Variants in GRIA3 observed in about 807,000 individuals in gnomAD.
The protein encoded by GRIA3 is glutamate ionotropic receptor AMPA type subunit 3, also known as glutamate receptor 3.
A neutral mutation model predicts 63.0 loss-of-function variants in GRIA3; 3 were observed. The ratio of observed to expected loss-of-function variants is 0.05; its 90% CI spans 0.02 to 0.12. The LOEUF (loss-of-function observed/expected upper bound fraction) is 0.12, where lower values mean the gene tolerates loss of function less well. Ranked by LOEUF, GRIA3 falls within the 10% of genes least tolerant of loss-of-function variation. GRIA3 has a pLI of 1.00. For synonymous variants in GRIA3, 274 were observed against 257.9 expected (o/e 1.06, Z -0.60); for missense variants, 347 against 700.9 (o/e 0.50, Z 5.70).
At chrX:123,398,884 C>T (rs2045428655) in intron 7 of GRIA3, 81 bp downstream of exon 7, 1 of 801,510 alleles carries the variant, frequency 1.2e-6, no homozygotes, top group Non-Finnish European at 1.9e-6. Context: ...TGAGAGAAGA[C>T]ATACTAAAAG....
intron 5 of GRIA3, among the ~76,000 whole-genome samples, chrX:123,360,863 A>T (rs1402750585): frequency 0.2 from 6,965 of 34,670 alleles, 298 homozygotes; most frequent in Middle Eastern, 0.32. Context: ...TCTCACACAC[A>T]CACACACACA....
At chrX:123,436,308 TG>T (rs2045643755) in intron 12 of GRIA3, among the ~76,000 whole-genome samples, 1 of 107,838 alleles carries the variant, frequency 9.3e-6, no homozygotes, top group African/African-American at 3.7e-5. Context: ...GTTTGTTTTT[TG>T]TTTTTGTTTG....
rs774946426 is a variant in GRIA3 at position 123,455,017 on chromosome X, C to T, written c.2077-9848C>T. On this transcript the variant is annotated intron_variant, in intron 12 of 15. Transcript: ENST00000620443. Reference sequence around the variant, plus strand: ...CTTCTTGAAGTGGAAGGAAACATGTCCCTGGACTTGTGAACACAGTTTGAA... The same window carrying T: ...CTTCTTGAAGTGGAAGGAAACATGTTCCTGGACTTGTGAACACAGTTTGAA... 5.4e-5 allele frequency among the ~76,000 whole-genome samples: 6 copies of T among 111,727 alleles called. No individual in the cohort carries two copies. The South Asian group carries it at 2.3e-3, about 43-fold the overall frequency.
chrX:123,427,344 G>A (rs995901994), intron 11 of GRIA3, among the ~76,000 whole-genome samples: 4 of 110,272 alleles, frequency 3.6e-5, no homozygotes, highest in African/African-American at 6.6e-5. Context: ...AAATGTCTGT[G>A]TCCTACCTCC....
chrX:123,323,052 G>A (rs1390293881), intron 3 of GRIA3, among the ~76,000 whole-genome samples: 1 of 112,222 alleles, frequency 8.9e-6, no homozygotes, highest in African/African-American at 3.2e-5. Flanking sequence ...TGTTCTGAGA[G>A]GACAGCATGA....
intron 2 of GRIA3, among the ~76,000 whole-genome samples, chrX:123,204,017 G>A (rs926517669): frequency 8.9e-6 from 1 of 112,196 alleles, no homozygotes; most frequent in Non-Finnish European, 1.9e-5. Context: ...CTAAATAGAT[G>A]TTGAGTTAAA....
At chrX:123,372,522 A>AT (rs1238438909) in intron 5 of GRIA3, among the ~76,000 whole-genome samples, 1 of 111,585 alleles carries the variant, frequency 9.0e-6, no homozygotes, top group African/African-American at 3.2e-5. Context: ...ATATCTTTCC[A>AT]TTTTTTGTGT....
chrX:123,383,694 T>C (rs189983797), intron 5 of GRIA3, among the ~76,000 whole-genome samples: 36 of 112,012 alleles, frequency 3.2e-4, no homozygotes, highest in Non-Finnish European at 5.6e-4. Context: ...TTTTAAGTTT[T>C]TTTTAATCTT....
intron 5 of GRIA3, among the ~76,000 whole-genome samples, chrX:123,380,646 T>G (rs1361757883): frequency 8.9e-6 from 1 of 112,178 alleles, no homozygotes; most frequent in Non-Finnish European, 1.9e-5. Context: ...GCTCTTTAGT[T>G]TAATTAGATC....
chrX:123,368,440 G>T (rs184896241), intron 5 of GRIA3, among the ~76,000 whole-genome samples: 51 of 110,998 alleles, frequency 4.6e-4, no homozygotes, highest in African/African-American at 1.7e-3. Context: ...GGTATTGAAG[G>T]CCTAATGCTG....
intron 2 of GRIA3, among the ~76,000 whole-genome samples, chrX:123,245,466 T>TA (rs1396793461): frequency 9.0e-6 from 1 of 111,444 alleles, no homozygotes; most frequent in East Asian, 2.8e-4. Context: ...TGTTGAATTT[T>TA]AAAAAACCAT....
At chrX:123,267,504 T>G (rs770455437) in intron 3 of GRIA3, among the ~76,000 whole-genome samples, 1 of 112,148 alleles carries the variant, frequency 8.9e-6, no homozygotes, top group East Asian at 2.8e-4. Flanking sequence ...TAACGCTATT[T>G]CATATAAATC....
chrX:123,372,708 CAT>C (rs2045255160), intron 5 of GRIA3, among the ~76,000 whole-genome samples: 2 of 111,094 alleles, frequency 1.8e-5, no homozygotes, highest in Non-Finnish European at 3.8e-5. Flanking sequence ...TACTGATTTT[CAT>C]ATGTTAATTT....
At chrX:123,344,197 A>G (rs1250004191) in intron 4 of GRIA3, among the ~76,000 whole-genome samples, 1 of 112,274 alleles carries the variant, frequency 8.9e-6, no homozygotes, top group East Asian at 2.8e-4. Flanking sequence ...TGTATGTCAA[A>G]GCAATACATA....
chrX:123,220,534 A>C (rs1928264810), intron 2 of GRIA3, among the ~76,000 whole-genome samples: 1 of 111,422 alleles, frequency 9.0e-6, no homozygotes, highest in Admixed American at 9.5e-5. Context: ...TAACTCCTTC[A>C]TTCTACCTCA....
chrX:123,385,245 T>C (rs1237781836), intron 5 of GRIA3, among the ~76,000 whole-genome samples: 1 of 112,415 alleles, frequency 8.9e-6, no homozygotes, highest in African/African-American at 3.2e-5. Flanking sequence ...GCACCACTTA[T>C]TGAATAGGGT....
intron 3 of GRIA3, among the ~76,000 whole-genome samples, chrX:123,314,549 T>C (rs913074125): frequency 2.7e-5 from 3 of 111,833 alleles, no homozygotes; most frequent in African/African-American, 9.8e-5. Context: ...GTTAAGTAAA[T>C]CTACTCCAGA....
intron 2 of GRIA3, among the ~76,000 whole-genome samples, chrX:123,244,401 C>T (rs887666897): frequency 8.9e-6 from 1 of 111,954 alleles, no homozygotes; most frequent in African/African-American, 3.2e-5. Context: ...AATTTCCCCT[C>T]TCCTACATCC....
intron 3 of GRIA3, among the ~76,000 whole-genome samples, chrX:123,262,138 T>G (rs1356683538): frequency 3.6e-5 from 4 of 112,009 alleles, no homozygotes; most frequent in African/African-American, 1.3e-4. Context: ...CTTTGAGGTT[T>G]GTCCCTTGAA....
Sources: gnomAD v4.1 joint callset for allele counts (sites outside exome capture counted in the v4.1 genomes callset) on GRCh38, gnomAD v4.1.1 for gene constraint, MANE v1.5 for transcripts, NCBI Gene and HGNC (gene_info 2026-07-23, HGNC 2026-07-21) for gene names.